The following KCNMA1 variants were observed in gnomAD, a reference collection of about 807,000 sequenced individuals.
KCNMA1 encodes Calcium-activated potassium channel subunit alpha-1.
In KCNMA1, 29 loss-of-function variants were observed where a neutral mutation model predicts 140.0. The ratio of observed to expected loss-of-function variants is 0.21; its 90% confidence interval spans 0.15 to 0.28. The LOEUF is 0.28. Among genes scored for constraint, KCNMA1 ranks in the 10% least tolerant of loss-of-function variants. The pLI is 1.00. For missense variants in KCNMA1, 880 were observed against 1,602.2 expected (o/e 0.55, Z 7.70); for synonymous variants, 612 against 611.9 (o/e 1.00, Z 0.00).
rs116002893 is a variant in KCNMA1, at chr10:76,933,213, G to A, written c.2902+11560C>T. 5.4e-3 allele frequency among the ~76,000 whole-genome samples: 819 copies of A among 152,232 alleles called. 5 individuals carry two copies. Among genetic ancestry groups the A allele is most frequent in the African/African-American group, 0.017 (696 of 41,514 alleles). ...TTTGGCTGCTTTATCTCATTTGAGGGCACGTTAAGAGAGAACAGGCTGCAA... is the reference window on the plus strand; with the variant it reads ...TTTGGCTGCTTTATCTCATTTGAGGACACGTTAAGAGAGAACAGGCTGCAA... On this transcript the variant is annotated intron_variant, in intron 23 of 27. Coordinates refer to ENST00000286628, the MANE Select transcript of KCNMA1 (RefSeq NM_001161352.2).
intron 12 of KCNMA1, among the ~76,000 whole-genome samples, chr10:77,084,088 T>G (rs2096642668): frequency 6.6e-6 from 1 of 151,948 alleles, no homozygotes; most frequent in Non-Finnish European, 1.5e-5. Flanking sequence ...TAGTAAGGGT[T>G]TTCTCAGCCT....
At chr10:77,616,544 G>A (rs11002220) in intron 1 of KCNMA1, among the ~76,000 whole-genome samples, 3,691 of 152,290 alleles carry the variant, frequency 0.024, 62 homozygotes, top group East Asian at 0.073. Context: ...AGTGGCACAT[G>A]CCTGTAATCC....
intron 24 of KCNMA1, chr10:76,913,834 T>A: frequency 1.9e-6 from 1 of 514,160 alleles, no homozygotes; most frequent in Non-Finnish European, 3.4e-6. Flanking sequence ...CAGATGGGTG[T>A]GATCAAAGGT....
chr10:77,009,231 G>C (rs1373479624), intron 18 of KCNMA1, among the ~76,000 whole-genome samples: 2 of 152,130 alleles, frequency 1.3e-5, no homozygotes, highest in Admixed American at 6.5e-5. Flanking sequence ...CATAATGGGA[G>C]ATTATATACC....
rs578207221 is a variant in KCNMA1, at chr10:77,148,082, A to C, written c.809-27034T>G. Among the ~76,000 whole-genome samples the C allele has an allele frequency of 3.3e-5, 5 of 152,034 alleles. No individual in the cohort carries two copies. The South Asian group carries it at 1.0e-3, about 32-fold the overall frequency. ...ATAGCCCTGGGAATGAGCCACCCTC[A>C]TGTTTGCACCCAGGCCTCTCTCTTG... On this transcript the variant is annotated intron_variant, in intron 5 of 27. Transcript: ENST00000286628.
At chr10:77,312,527 G>A (rs1381566422) in intron 2 of KCNMA1, among the ~76,000 whole-genome samples, 5 of 152,238 alleles carry the variant, frequency 3.3e-5, no homozygotes, top group African/African-American at 1.2e-4. Context: ...TTGGGAGGCT[G>A]AGAGAGGAGG....
At chr10:77,020,450 A>G (rs938223553) in intron 16 of KCNMA1, 1 of 152,208 alleles carries the variant, frequency 6.6e-6, no homozygotes, top group Non-Finnish European at 1.5e-5. Flanking sequence ...TACTTGTGTC[A>G]TGACTATTAT....
chr10:77,287,578 A>G (rs2071476049), intron 2 of KCNMA1, among the ~76,000 whole-genome samples: 1 of 152,218 alleles, frequency 6.6e-6, no homozygotes, highest in East Asian at 1.9e-4. Context: ...CCAAAACTCT[A>G]AACACCTTCT....
chr10:77,409,795 G>T (rs769832069), intron 1 of KCNMA1, among the ~76,000 whole-genome samples: 2 of 152,186 alleles, frequency 1.3e-5, no homozygotes, highest in Non-Finnish European at 2.9e-5. Context: ...CAGGTCTGTG[G>T]TGTGGCAGGA....
At chr10:77,383,035 G>A (rs2095482990) in intron 2 of KCNMA1, among the ~76,000 whole-genome samples, 1 of 128,558 alleles carries the variant, frequency 7.8e-6, no homozygotes, top group Non-Finnish European at 1.6e-5. Context: ...TATATTCCAA[G>A]TGGAGGAAAG....
At chr10:77,601,923 T>G (rs1408647711) in intron 1 of KCNMA1, among the ~76,000 whole-genome samples, 2 of 152,198 alleles carry the variant, frequency 1.3e-5, no homozygotes, top group Non-Finnish European at 2.9e-5. Flanking sequence ...GCAAGGGATA[T>G]AGCAGGAGTC....
chr10:76,963,109 T>G (rs1592103370), intron 20 of KCNMA1, among the ~76,000 whole-genome samples: 1 of 152,196 alleles, frequency 6.6e-6, no homozygotes, highest in South Asian at 2.1e-4. Context: ...CAGGGAGGAC[T>G]CATGTCAGTG....
intron 2 of KCNMA1, among the ~76,000 whole-genome samples, chr10:77,256,182 G>A (rs1315584249): frequency 3.3e-5 from 5 of 152,166 alleles, no homozygotes; most frequent in Admixed American, 2.0e-4. Context: ...TGATTGAGTT[G>A]GGAAAGCTGG....
At chr10:77,072,243 C>T (rs1212773945) in intron 14 of KCNMA1, among the ~76,000 whole-genome samples, 1 of 152,208 alleles carries the variant, frequency 6.6e-6, no homozygotes, top group Non-Finnish European at 1.5e-5. Context: ...AAGGCTCAAG[C>T]TAGACCCGTT....
rs1568000 is a variant in KCNMA1, at chr10:77,596,461, G to T, written c.378+40804C>A. On this transcript the variant is annotated intron_variant, in intron 1 of 27. Transcript: ENST00000286628. ...AGTACAAATCACACAAATACATTTG[G>T]CTACTAAACAGATGAAAAGTCTACC... Among the ~76,000 whole-genome samples, 1,378 of 152,216 alleles carry T rather than the reference G, an allele frequency of 9.1e-3. 12 individuals carry two copies. The highest frequency in any genetic ancestry group is 0.052 in the East Asian group (269 of 5,176).
chr10:76,916,869 G>A (rs182881626), intron 23 of KCNMA1, among the ~76,000 whole-genome samples: 5 of 152,240 alleles, frequency 3.3e-5, no homozygotes, highest in East Asian at 1.9e-4. Context: ...CTGCTCTCCC[G>A]TGTATACATT....
At chr10:77,016,159 T>C (rs1445301297) in intron 17 of KCNMA1, among the ~76,000 whole-genome samples, 1 of 152,078 alleles carries the variant, frequency 6.6e-6, no homozygotes, top group Non-Finnish European at 1.5e-5. Flanking sequence ...CACAATGAAC[T>C]TCTTCCCAGC....
intron 19 of KCNMA1, among the ~76,000 whole-genome samples, chr10:76,982,661 G>T (rs367985750): frequency 3.3e-5 from 5 of 152,072 alleles, no homozygotes; most frequent in African/African-American, 1.2e-4. Flanking sequence ...CCAAATGATA[G>T]AATTTGCACA....
intron 1 of KCNMA1, among the ~76,000 whole-genome samples, chr10:77,499,325 G>C (rs1431769561): frequency 2.0e-5 from 3 of 150,970 alleles, no homozygotes; most frequent in Non-Finnish European, 4.4e-5. Context: ...AAACCTAACT[G>C]AAAAGACGAA....
Sources: allele counts gnomAD v4.1 joint callset (sites outside exome capture counted in the v4.1 genomes callset), GRCh38; gene constraint gnomAD v4.1.1; transcripts MANE v1.5; gene names NCBI Gene and HGNC (gene_info 2026-07-23, HGNC 2026-07-21).